Variants in KCNMA1 observed in about 807,000 individuals in gnomAD.
KCNMA1 encodes potassium calcium-activated channel subfamily M alpha 1.
KCNMA1 carries 29 observed loss-of-function variants against 140.0 expected under a neutral mutation model. The ratio of observed to expected loss-of-function variants is 0.21; its 90% confidence interval spans 0.15 to 0.28. KCNMA1 has a LOEUF of 0.28. Among genes scored for constraint, KCNMA1 ranks in the 10% least tolerant of loss-of-function variants. The pLI, the probability that KCNMA1 is intolerant of heterozygous loss-of-function variation, is 1.00. For missense variants in KCNMA1, 880 were observed against 1,602.2 expected (o/e 0.55, Z 7.70); for synonymous variants, 612 against 611.9 (o/e 1.00, Z 0.00).
rs77024440 is a variant in KCNMA1, at chr10:77,510,230, A to T, written c.379-106207T>A. 4.6e-3 allele frequency among the ~76,000 whole-genome samples: 695 copies of T among 151,098 alleles called. 3 individuals carry two copies. The highest frequency in any genetic ancestry group is 7.7e-3 in the Non-Finnish European group (525 of 67,852). On this transcript the variant is annotated intron_variant, in intron 1 of 27. Transcript: ENST00000286628. Reference sequence around the variant, plus strand: ...CATCTGCTAATTGGGTGATGGTATCAGGTTCATAAGTTTGTAGGGTCTTGC... The same window carrying T: ...CATCTGCTAATTGGGTGATGGTATCTGGTTCATAAGTTTGTAGGGTCTTGC...
At chr10:77,594,695 C>T (rs1312669991) in intron 1 of KCNMA1, among the ~76,000 whole-genome samples, 1 of 152,228 alleles carries the variant, frequency 6.6e-6, no homozygotes, top group African/African-American at 2.4e-5. Flanking sequence ...GTTCACCAAG[C>T]ACCTGGTCAG....
At chr10:77,360,572 C>T (rs1199851183) in intron 2 of KCNMA1, among the ~76,000 whole-genome samples, 2 of 152,238 alleles carry the variant, frequency 1.3e-5, no homozygotes, top group African/African-American at 4.8e-5. Flanking sequence ...CCACTCTAAA[C>T]AGAAATACTC....
At chr10:77,523,535 T>C (rs948835726) in intron 1 of KCNMA1, among the ~76,000 whole-genome samples, 26 of 152,228 alleles carry the variant, frequency 1.7e-4, no homozygotes, top group African/African-American at 5.5e-4. Flanking sequence ...CAAGGGAAGA[T>C]GCTGGAGAAG....
intron 20 of KCNMA1, among the ~76,000 whole-genome samples, chr10:76,956,404 C>T (rs1907737): frequency 0.5 from 75,561 of 151,796 alleles, 19,641 homozygotes; most frequent in East Asian, 0.73. Context: ...ACTCCCCACA[C>T]ATCTCTCATC....
chr10:77,629,550 T>C (rs2092940321), intron 1 of KCNMA1, among the ~76,000 whole-genome samples: 1 of 152,190 alleles, frequency 6.6e-6, no homozygotes, highest in Non-Finnish European at 1.5e-5. Flanking sequence ...GAAAGAGCCT[T>C]CCAACATCTA....
chr10:77,132,509 T>C (rs558600021), intron 5 of KCNMA1, among the ~76,000 whole-genome samples: 2 of 149,750 alleles, frequency 1.3e-5, no homozygotes, highest in East Asian at 4.1e-4. Flanking sequence ...CTTTTAAGTG[T>C]CCAGCAGGTT....
At chr10:76,952,303 G>T in intron 21 of KCNMA1, 1 of 831,634 alleles carries the variant, frequency 1.2e-6, no homozygotes, top group Non-Finnish European at 1.8e-6. Flanking sequence ...GGCGGATCAT[G>T]AGCTCAAGAA....
At chr10:77,410,657 C>T (rs1407537989) in intron 1 of KCNMA1, among the ~76,000 whole-genome samples, 1 of 152,242 alleles carries the variant, frequency 6.6e-6, no homozygotes, top group East Asian at 1.9e-4. Context: ...TCTTCACACC[C>T]AATCAGCCCC....
chr10:76,919,650 C>G (rs2054484052), intron 23 of KCNMA1, among the ~76,000 whole-genome samples: 1 of 152,142 alleles, frequency 6.6e-6, no homozygotes, highest in Admixed American at 6.6e-5. Context: ...AATTCTGGCA[C>G]CTCCACCTAT....
chr10:77,260,572 G>T (rs2061741007), intron 2 of KCNMA1, among the ~76,000 whole-genome samples: 1 of 152,112 alleles, frequency 6.6e-6, no homozygotes, highest in Non-Finnish European at 1.5e-5. Flanking sequence ...AGTTGGGCGT[G>T]GTGCTGTGCA....
At chr10:77,165,096 A>T (rs1212096312) in intron 5 of KCNMA1, among the ~76,000 whole-genome samples, 2 of 152,172 alleles carry the variant, frequency 1.3e-5, no homozygotes, top group African/African-American at 4.8e-5. Context: ...TTTTTTGGCC[A>T]CTTGTCATAG....
At chr10:77,170,478 CCA>C (rs2098692510) in intron 5 of KCNMA1, among the ~76,000 whole-genome samples, 1 of 62,134 alleles carries the variant, frequency 1.6e-5, no homozygotes, top group Non-Finnish European at 3.1e-5. Flanking sequence ...AGGTGAGGCT[CCA>C]TCCCTGGGAG....
At chr10:77,099,576 T>C (rs1231484707) in intron 9 of KCNMA1, among the ~76,000 whole-genome samples, 1 of 152,058 alleles carries the variant, frequency 6.6e-6, no homozygotes. Flanking sequence ...TAGCTGGGCA[T>C]GGTGGCGTAC....
At chr10:77,185,151 T>A (rs542214488) in intron 3 of KCNMA1, among the ~76,000 whole-genome samples, 2 of 152,198 alleles carry the variant, frequency 1.3e-5, no homozygotes. Context: ...AATTATTATA[T>A]ACTATCATTT....
rs946961507 is a variant in KCNMA1 at position 77,616,919 on chromosome 10, G to A, written c.378+20346C>T. ...GAGGCATGCAGAGGTGAAGTGGCTT[G>A]CCCAAGATCCAAAGGTCAGCAAGCA... On this transcript the variant is annotated intron_variant, in intron 1 of 27. Coordinates refer to ENST00000286628, the MANE Select transcript of KCNMA1 (RefSeq NM_001161352.2). Among the ~76,000 whole-genome samples the A allele has an allele frequency of 2.0e-5, 3 of 152,214 alleles. No individual in the cohort carries two copies. In the South Asian group the frequency reaches 6.2e-4, roughly 32 times the overall value.
At chr10:77,517,451 C>T (rs2050971374) in intron 1 of KCNMA1, among the ~76,000 whole-genome samples, 1 of 152,206 alleles carries the variant, frequency 6.6e-6, no homozygotes. Flanking sequence ...GGCACCAGTG[C>T]AGTGCAGGAC....
chr10:77,114,491 A>T (rs78294077), intron 6 of KCNMA1, among the ~76,000 whole-genome samples: 1,879 of 152,330 alleles, frequency 0.012, 46 homozygotes, highest in African/African-American at 0.042. Flanking sequence ...CACCTTGTGA[A>T]GTCCCAGTCT....
At chr10:76,917,772 A>G (rs1248058597) in intron 23 of KCNMA1, among the ~76,000 whole-genome samples, 1 of 152,218 alleles carries the variant, frequency 6.6e-6, no homozygotes, top group Non-Finnish European at 1.5e-5. Flanking sequence ...ATAACAGCAA[A>G]GTTGGCTTCT....
At chr10:77,486,021 G>C (rs763354544) in intron 1 of KCNMA1, among the ~76,000 whole-genome samples, 1 of 152,146 alleles carries the variant, frequency 6.6e-6, no homozygotes, top group African/African-American at 2.4e-5. Context: ...TCCTAGGAGA[G>C]CCTGAGGGAG....
Sources: allele counts gnomAD v4.1 joint callset (sites outside exome capture counted in the v4.1 genomes callset), GRCh38; gene constraint gnomAD v4.1.1; transcripts MANE v1.5; gene names NCBI Gene and HGNC (gene_info 2026-07-23, HGNC 2026-07-21).